Variants in VWA3B observed in about 807,000 individuals in gnomAD.
VWA3B encodes the protein von Willebrand factor A domain containing 3B, also known as von Willebrand factor A domain-containing protein 3B.
In VWA3B, 138 loss-of-function variants were observed where a neutral mutation model predicts 158.3. The observed-to-expected ratio is 0.87, with a 90% CI of 0.76 to 1.00. VWA3B has a LOEUF of 1.00. Among genes scored for constraint, VWA3B ranks in the 50% least tolerant of loss-of-function variants. VWA3B has a pLI of 0.00. For missense variants in VWA3B, 1,555 were observed against 1,565.1 expected (o/e 0.99, Z 0.11); for synonymous variants, 596 against 587.3 (o/e 1.01, Z -0.21).
chr2:98,235,935 A>C (rs1466968110), intron 17 of VWA3B, among the ~76,000 whole-genome samples: 2 of 152,232 alleles, frequency 1.3e-5, no homozygotes, highest in Non-Finnish European at 2.9e-5. Flanking sequence ...TATTAATTTG[A>C]AAATTTGAAC....
Position 98,162,940 on chromosome 2 carries a change from G to T in VWA3B, c.1078G>T (p.Glu360Ter). Residue 360 changes from glutamate to a stop codon, truncating the protein, a stop_gained, in exon 8 of 28, where the codon GAG (glutamate) becomes TAG (stop). Coordinates refer to ENST00000477737, the MANE Select transcript of VWA3B (RefSeq NM_144992.5). LOFTEE classifies it high-confidence loss of function. ...GGCCCAGATCCAGAGGCTGGTGGCCGAGCCTCCCAAGCCCGACGTGGCCAC... is the reference window on the plus strand; with the variant it reads ...GGCCCAGATCCAGAGGCTGGTGGCCTAGCCTCCCAAGCCCGACGTGGCCAC... ...TLAQIQRLVA[E>*]PPKPDVATVD... The T allele has an allele frequency of 6.2e-7, 1 of 1,614,100 alleles. No individual in the cohort carries two copies. The highest frequency in any genetic ancestry group is 8.5e-7 in the Non-Finnish European group (1 of 1,180,036).
At chr2:98,146,074 C>T (rs1454706274) in intron 7 of VWA3B, among the ~76,000 whole-genome samples, 2 of 151,882 alleles carry the variant, frequency 1.3e-5, no homozygotes, top group African/African-American at 4.8e-5. Context: ...TTTCTTGTTG[C>T]CTTTCCGTGT....
At chr2:98,126,295 A>G (rs919904119) in intron 5 of VWA3B, among the ~76,000 whole-genome samples, 3 of 152,178 alleles carry the variant, frequency 2.0e-5, no homozygotes, top group African/African-American at 7.2e-5. Flanking sequence ...AGTTTACATG[A>G]CGTGCATTGG....
At chr2:98,279,359 C>A (rs1688734580) in intron 22 of VWA3B, among the ~76,000 whole-genome samples, 1 of 152,182 alleles carries the variant, frequency 6.6e-6, no homozygotes, top group Non-Finnish European at 1.5e-5. Flanking sequence ...TAAAGGCACC[C>A]TCCTCGCTGG....
intron 7 of VWA3B, among the ~76,000 whole-genome samples, chr2:98,159,577 G>A (rs534475921): frequency 3.7e-4 from 56 of 152,216 alleles, no homozygotes; most frequent in African/African-American, 1.2e-3. Context: ...GTCTGGGAGG[G>A]CAGCAGTCAT....
chr2:98,315,239 T>C (rs1369013157), downstream of VWA3B, among the ~76,000 whole-genome samples: 5 of 152,232 alleles, frequency 3.3e-5, no homozygotes. Flanking sequence ...ATTTTTTTGC[T>C]GAATAAATCT....
At chr2:98,255,112 C>A (rs1213126031) in intron 20 of VWA3B, among the ~76,000 whole-genome samples, 2 of 148,326 alleles carry the variant, frequency 1.3e-5, no homozygotes, top group African/African-American at 5.0e-5. Flanking sequence ...CTCCTGGGTT[C>A]AAGCTATTCT....
chr2:98,184,993 C>G (rs149584651), intron 9 of VWA3B, among the ~76,000 whole-genome samples: 1 of 152,274 alleles, frequency 6.6e-6, no homozygotes, highest in African/African-American at 2.4e-5. Flanking sequence ...GACTTCAGTC[C>G]CATATGGAGG....
chr2:98,187,982 A>G lies in VWA3B; in HGVS notation c.1319A>G (p.Asn440Ser), dbSNP rs1681251744. The change falls in exon 10 of 28, where the codon AAC becomes AGC. Residue 440 changes from asparagine to serine, a missense_variant. Coordinates refer to ENST00000477737, the MANE Select transcript of VWA3B (RefSeq NM_144992.5). Reference protein sequence around the residue: ...NESVQTSAETNKKTVHAKYCS... With the variant: ...NESVQTSAETSKKTVHAKYCS... ...CCTTTGTCATCTCCTTAGGAGACGA[A>G]CAAGAAGACAGTCCATGCAAAATAT... The G allele has an allele frequency of 1.9e-6, 3 of 1,611,618 alleles. No homozygotes were observed. The highest frequency in any genetic ancestry group is 2.5e-6 in the Non-Finnish European group (3 of 1,178,816).
At chr2:98,289,213 A>G (rs2105943746) in intron 22 of VWA3B, among the ~76,000 whole-genome samples, 1 of 152,300 alleles carries the variant, frequency 6.6e-6, no homozygotes, top group East Asian at 1.9e-4. Flanking sequence ...AGATATATAT[A>G]TGCATGCTTG....
At chr2:98,180,945 C>A in intron 8 of VWA3B, 71 bp from the exon 9 acceptor site, 1 of 1,463,298 alleles carries the variant, frequency 6.8e-7, no homozygotes, top group Non-Finnish European at 9.3e-7. Context: ...CCAAGTTGGT[C>A]AATATTAAGT....
At chr2:98,225,705 C>A (rs75027418) in intron 14 of VWA3B, among the ~76,000 whole-genome samples, 552 of 104,730 alleles carry the variant, frequency 5.3e-3, no homozygotes, top group African/African-American at 8.4e-3. Context: ...AGGAGATCTA[C>A]AAAAAAAAAA....
At chr2:98,132,713 C>G (rs1675973922) in intron 6 of VWA3B, among the ~76,000 whole-genome samples, 1 of 152,202 alleles carries the variant, frequency 6.6e-6, no homozygotes, top group African/African-American at 2.4e-5. Context: ...CCTTGCCCTA[C>G]AGGGCAAGGG....
chr2:98,091,975 T>G (rs1573731036), intron 1 of VWA3B, among the ~76,000 whole-genome samples: 1 of 152,350 alleles, frequency 6.6e-6, no homozygotes, highest in East Asian at 1.9e-4. Context: ...ACTAGCTATA[T>G]TTAGGCAGGT....
intron 7 of VWA3B, among the ~76,000 whole-genome samples, chr2:98,150,040 A>T (rs1051640697): frequency 3.3e-5 from 5 of 152,240 alleles, no homozygotes; most frequent in Admixed American, 1.3e-4. Context: ...TTAGTTATAT[A>T]TGAATTATTA....
rs1171447531 is a variant in VWA3B at position 98,236,638 on chromosome 2, C to A, written c.2581C>A (p.Leu861Ile). The A allele has an allele frequency of 1.9e-6, 3 of 1,614,208 alleles. No homozygotes were observed. Among genetic ancestry groups the A allele is most frequent in the South Asian group, 1.1e-5 (1 of 91,080 alleles). Residue 861 changes from leucine to isoleucine, a missense_variant, in exon 19 of 28, where the codon CTC becomes ATC. Physicochemically the swap from Leu to Ile is conservative, Grantham distance 5. Coordinates refer to ENST00000477737, the MANE Select transcript of VWA3B (RefSeq NM_144992.5). ...TYGLVAKKLT[L>I]MDALSVAAVP... is the part of the protein sequence containing the mutation. ...TGGCTTGGTCGCCAAGAAACTCACC[C>A]TCATGGATGCCTTGTCAGTGGCAGC...
At chr2:98,184,449 G>T (rs549705241) in intron 9 of VWA3B, among the ~76,000 whole-genome samples, 66 of 152,320 alleles carry the variant, frequency 4.3e-4, no homozygotes, top group African/African-American at 1.5e-3. Context: ...TGCAATGCCT[G>T]GTTTCACTGT....
intron 5 of VWA3B, among the ~76,000 whole-genome samples, chr2:98,126,742 C>G (rs1486554647): frequency 2.6e-5 from 4 of 152,184 alleles, no homozygotes; most frequent in African/African-American, 4.8e-5. Flanking sequence ...TTTTTAGAAT[C>G]AGGAGCTGGC....
intron 6 of VWA3B, among the ~76,000 whole-genome samples, chr2:98,132,930 C>G (rs905717630): frequency 2.6e-5 from 4 of 152,236 alleles, no homozygotes; most frequent in African/African-American, 9.6e-5. Flanking sequence ...CCCAACATTT[C>G]CATCCTGAGC....
Sources: gnomAD v4.1 joint callset for allele counts (sites outside exome capture counted in the v4.1 genomes callset) on GRCh38, gnomAD v4.1.1 for gene constraint, MANE v1.5 for transcripts, NCBI Gene and HGNC (gene_info 2026-07-23, HGNC 2026-07-21) for gene names.